The following PLSCR1 variants were observed in gnomAD, a reference collection of about 807,000 sequenced individuals.
PLSCR1 encodes phospholipid scramblase 1, also known as PL scramblase 1.
PLSCR1 carries 17 observed loss-of-function variants against 37.8 expected under a neutral mutation model. The ratio of observed to expected loss-of-function variants is 0.45; its 90% CI spans 0.31 to 0.68. The LOEUF (loss-of-function observed/expected upper bound fraction) is 0.68, where lower values mean the gene tolerates loss of function less well. PLSCR1 is among the 30% of genes least tolerant of loss of function. PLSCR1 has a pLI of 0.06. For synonymous variants in PLSCR1, 116 were observed against 125.9 expected (o/e 0.92, Z 0.53); for missense variants, 347 against 380.9 (o/e 0.91, Z 0.74).
At chr3:146,527,620 A>C (rs1377148235) in intron 4 of PLSCR1, among the ~76,000 whole-genome samples, 1 of 152,194 alleles carries the variant, frequency 6.6e-6, no homozygotes, top group Non-Finnish European at 1.5e-5. Flanking sequence ...GTCATATGTG[A>C]TAACATCCTT....
chr3:146,519,641 C>A (rs1423608178), intron 7 of PLSCR1, among the ~76,000 whole-genome samples: 1 of 152,024 alleles, frequency 6.6e-6, no homozygotes, highest in Non-Finnish European at 1.5e-5. Flanking sequence ...TCCAACATGA[C>A]CTTAATTCAA....
chr3:146,539,562 C>T (rs2044310427), intron 1 of PLSCR1, among the ~76,000 whole-genome samples: 1 of 152,160 alleles, frequency 6.6e-6, no homozygotes, highest in Non-Finnish European at 1.5e-5. Flanking sequence ...TGGTATTTGC[C>T]TTTCACAAGG....
In PLSCR1 at chr3:146,517,084, A is replaced by G. The variant is rs746779155; in HGVS notation, c.822T>C (p.Ala274=). 40 of 1,603,674 alleles carry G rather than the reference A, an allele frequency of 2.5e-5. No individual in the cohort carries two copies. Among genetic ancestry groups the G allele is most frequent in the Middle Eastern group, 3.3e-4 (2 of 6,058 alleles). Residue 274 remains alanine (A), a synonymous_variant, in exon 8 of 9, where the codon GCT becomes GCC. Coordinates refer to ENST00000342435, the MANE Select transcript of PLSCR1 (RefSeq NM_021105.3). ...TGILREAFTD[A]DNFGIQFPLD... ...AAGGGAACTGGATTCCAAAGTTATC[A>G]GCGTCTGTAAATGCCTCTCTCAAAA...
At chr3:146,516,915 A>G (rs2043954701) in intron 8 of PLSCR1, 91 bp downstream of exon 8, 2 of 865,030 alleles carry the variant, frequency 2.3e-6, no homozygotes, top group African/African-American at 1.8e-5. Context: ...TAAATTTTAA[A>G]ATGTCATTTT....
chr3:146,525,682 G>T (rs762842747), intron 4 of PLSCR1, 35 bp from the exon 5 acceptor site: 6 of 1,026,980 alleles, frequency 5.8e-6, no homozygotes, highest in Middle Eastern at 2.1e-4. Context: ...GTATGTATAT[G>T]TCAAATGAAG....
At chr3:146,536,903 A>C (rs2044272587) in intron 1 of PLSCR1, 1 of 203,526 alleles carries the variant, frequency 4.9e-6, no homozygotes, top group African/African-American at 2.3e-5. Context: ...CAACCTTCAC[A>C]ACTTGAACAA....
At chr3:146,523,396 G>A (rs929333201) in intron 5 of PLSCR1, among the ~76,000 whole-genome samples, 1 of 152,218 alleles carries the variant, frequency 6.6e-6, no homozygotes, top group Non-Finnish European at 1.5e-5. Flanking sequence ...GTGTAATGTG[G>A]AGGGGAATAT....
chr3:146,532,562 C>T (rs1197742818), intron 3 of PLSCR1, among the ~76,000 whole-genome samples: 4 of 152,256 alleles, frequency 2.6e-5, no homozygotes, highest in East Asian at 1.9e-4. Flanking sequence ...GGATGAGATC[C>T]GGGACCCGCA....
chr3:146,519,735 T>C (rs2043993741), intron 7 of PLSCR1, among the ~76,000 whole-genome samples: 1 of 152,126 alleles, frequency 6.6e-6, no homozygotes, highest in Admixed American at 6.6e-5. Context: ...AGATGTGTAT[T>C]AGTATTTGAT....
At chr3:146,539,144 C>T (rs2044304552) in intron 1 of PLSCR1, among the ~76,000 whole-genome samples, 1 of 152,186 alleles carries the variant, frequency 6.6e-6, no homozygotes, top group South Asian at 2.1e-4. Context: ...AGCTTGTTTT[C>T]CCGCAACTAG....
chr3:146,518,284 C>T (rs2043973082), intron 7 of PLSCR1, among the ~76,000 whole-genome samples: 1 of 152,158 alleles, frequency 6.6e-6, no homozygotes, highest in South Asian at 2.1e-4. Context: ...AAGCATGACT[C>T]AGGTAGCTGC....
At chr3:146,536,652 C>A in intron 1 of PLSCR1, 87 bp from the exon 2 acceptor site, 1 of 772,710 alleles carries the variant, frequency 1.3e-6, no homozygotes, top group Non-Finnish European at 2.3e-6. Flanking sequence ...TAAAACTACA[C>A]AGTCACATTC....
chr3:146,530,219 T>C (rs1039373445), intron 3 of PLSCR1, among the ~76,000 whole-genome samples: 22 of 152,340 alleles, frequency 1.4e-4, no homozygotes, highest in African/African-American at 4.8e-4. Flanking sequence ...ATACTTAGAA[T>C]AGGAAATTTA....
intron 2 of PLSCR1, among the ~76,000 whole-genome samples, chr3:146,534,897 A>AATAC (rs1171523419): frequency 1.6e-4 from 24 of 152,100 alleles, no homozygotes; most frequent in Non-Finnish European, 3.4e-4. Context: ...TAAATAAATA[A>AATAC]ATAACACAAA....
chr3:146,541,247 A>G (rs936566826), intron 1 of PLSCR1: 1 of 152,160 alleles, frequency 6.6e-6, no homozygotes, highest in Non-Finnish European at 1.5e-5. Context: ...TTTATATTAA[A>G]CCTTGAATAA....
Position 146,533,469 on chromosome 3 carries a change from C to T in PLSCR1, c.94+1G>A, listed in dbSNP as rs1241974722. ...TTTTCTTCTTTCAGCAACTGCTTTA[C>T]CTTGGAATGCTGTCGGTGGATACTG... On this transcript the variant is annotated splice_donor_variant, in intron 3 of 8. Coordinates refer to ENST00000342435, the MANE Select transcript of PLSCR1 (RefSeq NM_021105.3). LOFTEE classifies it high-confidence loss of function. The T allele has an allele frequency of 1.3e-6, 2 of 1,573,252 alleles. No individual in the cohort carries two copies. Among genetic ancestry groups the T allele is most frequent in the East Asian group, 2.2e-5 (1 of 44,616 alleles).
Position 146,528,703 on chromosome 3 carries a change from T to C in PLSCR1, c.223A>G (p.Asn75Asp). 6.2e-7 allele frequency: 1 copy of C among 1,606,062 alleles called. No homozygotes were observed. The highest frequency in any genetic ancestry group is 1.7e-5 in the Admixed American group (1 of 59,900). Reference protein sequence around the residue: ...NQPVYNQPVYNQPVGAAGVPW... With the variant: ...NQPVYNQPVYDQPVGAAGVPW... ...ACCCCTGCAGCTCCAACTGGCTGAT[T>C]ATATACTGGCTGATTATACACTGGC... is the stretch of plus-strand genomic sequence containing the variant. The change falls in exon 4 of 9, where the codon AAT becomes GAT. Residue 75 changes from asparagine (N) to aspartate (D), a missense_variant. Asn to Asp is a conservative substitution (Grantham distance 23, BLOSUM62 1). Coordinates refer to ENST00000342435, the MANE Select transcript of PLSCR1 (RefSeq NM_021105.3).
intron 3 of PLSCR1, 131 bp downstream of exon 3, chr3:146,533,339 T>A (rs1247516478): frequency 2.2e-6 from 1 of 454,856 alleles, no homozygotes; most frequent in African/African-American, 1.9e-5. Context: ...AATATAATTT[T>A]AAAAAAAGAA....
At position 146,521,670 on chromosome 3, in the gene PLSCR1, A is replaced by AG; in HGVS notation, c.611_612insC (p.Tyr205LeufsTer18). ...ATGGGTGCCAAGTCTGAATAACATAACCTATTGGTACACCAGGAGGAGCTT... is the reference window on the plus strand; with the variant it reads ...ATGGGTGCCAAGTCTGAATAACATAAGCCTATTGGTACACCAGGAGGAGCTT... On this transcript the variant is annotated frameshift_variant, in exon 7 of 9. Transcript: ENST00000342435. LOFTEE classifies it high-confidence loss of function. 1 of 1,613,414 alleles carries AG rather than the reference A, an allele frequency of 6.2e-7. No homozygotes were observed. The highest frequency in any genetic ancestry group is 8.5e-7 in the Non-Finnish European group (1 of 1,179,412).
Sources: gnomAD v4.1 joint callset for allele counts (sites outside exome capture counted in the v4.1 genomes callset) on GRCh38, gnomAD v4.1.1 for gene constraint, MANE v1.5 for transcripts, NCBI Gene and HGNC (gene_info 2026-07-23, HGNC 2026-07-21) for gene names.